AKR1C3: variants seen among roughly 807,000 people sequenced by gnomAD.
The protein encoded by AKR1C3 is 3-alpha hydroxysteroid dehydrogenase, type II.
In AKR1C3, 48 loss-of-function variants were observed where a neutral mutation model predicts 43.6. The observed-to-expected ratio is 1.10, with a 90% CI of 0.87 to 1.40. The LOEUF (loss-of-function observed/expected upper bound fraction) is 1.40, where lower values mean the gene tolerates loss of function less well. AKR1C3 is among the 40% of genes most tolerant of loss of function. AKR1C3 has a pLI of 0.00. For synonymous variants in AKR1C3, 162 were observed against 139.6 expected (o/e 1.16, Z -1.13); for missense variants, 482 against 391.2 (o/e 1.23, Z -1.96).
Position 5,097,506 on chromosome 10 carries a change from G to A in AKR1C3, c.325G>A (p.Asp109Asn). ...LENSLKKAQLDYVDLYLIHSP... is the reference protein window; with the variant it reads ...LENSLKKAQLNYVDLYLIHSP... ...AAACTCACTGAAGAAAGCTCAATTGGACTATGTTGACCTCTATCTTATTCA... is the reference window on the plus strand; with the variant it reads ...AAACTCACTGAAGAAAGCTCAATTGAACTATGTTGACCTCTATCTTATTCA... Residue 109 changes from aspartate (D) to asparagine (N), a missense_variant, in exon 3 of 9, where the codon GAC (aspartate) becomes AAC (asparagine). Coordinates refer to ENST00000380554, the MANE Select transcript of AKR1C3 (RefSeq NM_003739.6). 6.2e-7 allele frequency: 1 copy of A among 1,613,768 alleles called. No homozygotes were observed.
rs552811436 is a variant in AKR1C3 at position 5,102,470 on chromosome 10, T to TGCCTTTCC, written c.681-14_681-7dup. On this transcript the variant is annotated splice_polypyrimidine_tract_variant and intron_variant, in intron 6 of 8. Coordinates refer to ENST00000380554, the MANE Select transcript of AKR1C3 (RefSeq NM_003739.6). Reference sequence around the variant, plus strand: ...GCCAGCCTCAGGGCCTCAGCCTTTCTGCCTTTCCTTCCAGGGTGGACCCGA... The same window carrying TGCCTTTCC: ...GCCAGCCTCAGGGCCTCAGCCTTTCTGCCTTTCCGCCTTTCCTTCCAGGGTGGACCCGA... 8.6e-4 allele frequency: 1,308 copies of TGCCTTTCC among 1,513,822 alleles called. 13 individuals are homozygous for TGCCTTTCC. In the South Asian group the frequency reaches 0.016, roughly 19 times the overall value. The allele number at this position is 1,513,822 out of a possible 1,614,324, so 93.8% of individuals were successfully genotyped here. A position where few individuals can be genotyped will look rare whatever the true frequency, so the allele number is the denominator to read the frequency against.
intron 1 of AKR1C3, among the ~76,000 whole-genome samples, chr10:5,053,176 C>G (rs1838187561): frequency 6.6e-6 from 1 of 152,236 alleles, no homozygotes; most frequent in Non-Finnish European, 1.5e-5. Context: ...GTTGATGGGA[C>G]TGGGTGCCGT....
At chr10:5,067,849 T>C (rs1554780935) in intron 1 of AKR1C3, among the ~76,000 whole-genome samples, 1 of 152,146 alleles carries the variant, frequency 6.6e-6, no homozygotes. Flanking sequence ...ATAAATGCTT[T>C]AAGGACTCAG....
intron 1 of AKR1C3, among the ~76,000 whole-genome samples, chr10:5,074,901 T>A (rs1838680164): frequency 6.6e-6 from 1 of 152,214 alleles, no homozygotes; most frequent in Non-Finnish European, 1.5e-5. Flanking sequence ...TTATGTAAAA[T>A]GCAGAGTCCC....
chr10:5,052,650 A>G (rs1240635822), intron 1 of AKR1C3, among the ~76,000 whole-genome samples: 2 of 151,296 alleles, frequency 1.3e-5, no homozygotes, highest in Non-Finnish European at 2.9e-5. Flanking sequence ...GTGTTTATAA[A>G]CCTCGAGCTA....
chr10:5,060,212 G>T (rs1165662151), intron 1 of AKR1C3, among the ~76,000 whole-genome samples: 2 of 152,176 alleles, frequency 1.3e-5, no homozygotes, highest in Non-Finnish European at 1.5e-5. Flanking sequence ...AAGAGCAAAA[G>T]AACAAAGCTT....
intron 5 of AKR1C3, among the ~76,000 whole-genome samples, chr10:5,100,999 C>G (rs1554785880): frequency 1.3e-5 from 2 of 152,120 alleles, no homozygotes; most frequent in Non-Finnish European, 2.9e-5. Context: ...TAAAGTATGT[C>G]ACAGAAATGA....
intron 1 of AKR1C3, among the ~76,000 whole-genome samples, chr10:5,062,569 A>C (rs1838401409): frequency 6.6e-6 from 1 of 152,198 alleles, no homozygotes; most frequent in South Asian, 2.1e-4. Flanking sequence ...AACCAGTGCC[A>C]TCCTGTTCCA....
chr10:5,098,330 G>A (rs1015266588), intron 3 of AKR1C3, among the ~76,000 whole-genome samples: 3 of 152,116 alleles, frequency 2.0e-5, no homozygotes, highest in Non-Finnish European at 2.9e-5. Context: ...CAAGGCTCAT[G>A]GTCATCACCA....
chr10:5,090,200 C>T (rs148864126), upstream of AKR1C3, among the ~76,000 whole-genome samples: 6 of 152,200 alleles, frequency 3.9e-5, no homozygotes, highest in Non-Finnish European at 8.8e-5. Context: ...CAGTGTGTGA[C>T]AGAGATATAT....
chr10:5,099,655 G>A (rs1554785694), intron 5 of AKR1C3: 1 of 852,326 alleles, frequency 1.2e-6, no homozygotes, highest in African/African-American at 1.7e-5. Context: ...TGAGTTTAAT[G>A]CTGAATCGTG....
chr10:5,076,726 A>T (rs10752002), intron 1 of AKR1C3, among the ~76,000 whole-genome samples: 1 of 152,080 alleles, frequency 6.6e-6, no homozygotes, highest in Non-Finnish European at 1.5e-5. Flanking sequence ...TTTAGGCTCT[A>T]TAAGACATAT....
At chr10:5,064,794 C>G (rs1838460739) in intron 1 of AKR1C3, among the ~76,000 whole-genome samples, 1 of 151,230 alleles carries the variant, frequency 6.6e-6, no homozygotes, top group Non-Finnish European at 1.5e-5. Context: ...CATCACTGAT[C>G]ATTAGAGGAA....
chr10:5,050,017 T>G (rs2131767292), intron 1 of AKR1C3, among the ~76,000 whole-genome samples: 2 of 133,830 alleles, frequency 1.5e-5, no homozygotes, highest in South Asian at 5.3e-4. Flanking sequence ...ATACTGCCCA[T>G]GTGGCCGCAT....
chr10:5,065,955 C>G (rs1838491850), intron 1 of AKR1C3, among the ~76,000 whole-genome samples: 1 of 152,090 alleles, frequency 6.6e-6, no homozygotes, highest in Admixed American at 6.5e-5. Context: ...GATCACAGAA[C>G]TCTCACTCTG....
At chr10:5,099,494 T>C in intron 5 of AKR1C3, 45 bp downstream of exon 5, 1 of 1,613,524 alleles carries the variant, frequency 6.2e-7, no homozygotes, top group Non-Finnish European at 8.5e-7. Flanking sequence ...TCATGCCCCC[T>C]CTTCCTGTCC....
chr10:5,104,466 T>C (rs1195739675), intron 7 of AKR1C3, among the ~76,000 whole-genome samples: 1 of 152,204 alleles, frequency 6.6e-6, no homozygotes, highest in Non-Finnish European at 1.5e-5. Flanking sequence ...ACTTATTTAC[T>C]TTTCTGTACT....
At chr10:5,070,928 G>C (rs1446481301) in intron 1 of AKR1C3, among the ~76,000 whole-genome samples, 1 of 152,170 alleles carries the variant, frequency 6.6e-6, no homozygotes, top group African/African-American at 2.4e-5. Context: ...TTAGAAGGAG[G>C]CTTAGACTTA....
chr10:5,105,371 T>C lies in AKR1C3; in HGVS notation c.847-224T>C, dbSNP rs1554787001. The stretch of plus-strand genomic sequence containing the variant: ...TCCATTTTCTGTTGAAATTTTCTCT[T>C]TGTCTGCAGAGTTGCACAGTTTCAA... On this transcript the variant is annotated intron_variant, in intron 7 of 8. Coordinates refer to ENST00000380554, the MANE Select transcript of AKR1C3 (RefSeq NM_003739.6). 2.8e-5 allele frequency: 10 copies of C among 353,244 alleles called. No homozygotes were observed. In the South Asian group the frequency reaches 3.8e-4, roughly 14 times the overall value. The allele number at this position is 353,244 out of a possible 1,614,324, so 21.9% of individuals were successfully genotyped here.
Sources: allele counts gnomAD v4.1 joint callset (sites outside exome capture counted in the v4.1 genomes callset), GRCh38; gene constraint gnomAD v4.1.1; transcripts MANE v1.5; gene names NCBI Gene and HGNC (gene_info 2026-07-23, HGNC 2026-07-21).